The following STMP1 variants were observed in gnomAD, a reference collection of about 807,000 sequenced individuals.
STMP1 encodes mitolamban.
In STMP1, 7 loss-of-function variants were observed where a neutral mutation model predicts 7.0. The observed-to-expected ratio is 1.01, with a 90% CI of 0.57 to 1.89. STMP1 has a LOEUF of 1.89. Among genes scored for constraint, STMP1 ranks in the 40% most tolerant of loss-of-function variants. The pLI, the probability that STMP1 is intolerant of heterozygous loss-of-function variation, is 0.00. For missense variants in STMP1, 45 were observed against 53.0 expected (o/e 0.85, Z 0.47); for synonymous variants, 19 against 18.4 (o/e 1.03, Z -0.08).
rs1795396524 is a variant in STMP1 at position 135,675,056 on chromosome 7, GCTT to G, written c.*894_*896del. 6.6e-6 allele frequency: 1 copy of G among 152,122 alleles called. No homozygotes were observed. The highest frequency in any genetic ancestry group is 6.5e-5 in the Admixed American group (1 of 15,274). 9.4% of individuals were successfully genotyped at this position (152,122 alleles called of 1,614,324 possible). A position where few individuals can be genotyped will look rare whatever the true frequency, so the allele number is the denominator to read the frequency against. On this transcript the variant is annotated 3_prime_UTR_variant, in exon 3 of 3. Coordinates refer to ENST00000507606, the MANE Select transcript of STMP1 (RefSeq NM_001130929.2). ...AATCAGCAGCTCAAGAAGAATTTCT[GCTT>G]CTCTTTGTAGTTGATGCTTTGTTTT...
At chr7:135,671,632 G>C (rs990117453) in intron 1 of STMP1, among the ~76,000 whole-genome samples, 2 of 152,108 alleles carry the variant, frequency 1.3e-5, no homozygotes, top group South Asian at 2.1e-4. Context: ...TAGGAAAATA[G>C]TCACCAAATG....
chr7:135,674,222 G>C lies in STMP1; in HGVS notation c.*57G>C, dbSNP rs1363549619. ...TGATTCTACTGCTCTTGAGGGCCTC[G>C]TTTACTATCTGAACCAAAAGCTTTT... On this transcript the variant is annotated 3_prime_UTR_variant, in exon 3 of 3. Transcript: ENST00000507606. 1.6e-6 allele frequency: 2 copies of C among 1,280,962 alleles called. No homozygotes were observed. The highest frequency in any genetic ancestry group is 1.5e-5 in the African/African-American group (1 of 65,800). 79.3% of individuals were successfully genotyped at this position (1,280,962 alleles called of 1,614,324 possible).
chr7:135,673,156 G>T (rs3112331), intron 2 of STMP1: 1 of 280,784 alleles, frequency 3.6e-6, no homozygotes, highest in Non-Finnish European at 6.7e-6. Flanking sequence ...AATATTTTCA[G>T]CCCCACTATC....
chr7:135,662,520 G>A lies in STMP1; in HGVS notation c.-60G>A. ...CCCCCGCGCATGGGGAGGTAGGCTCGGACCGGCCCGCGGAGCTGCTGCAGT... is the reference window on the plus strand; with the variant it reads ...CCCCCGCGCATGGGGAGGTAGGCTCAGACCGGCCCGCGGAGCTGCTGCAGT... On this transcript the variant is annotated 5_prime_UTR_variant, in exon 1 of 3. Transcript: ENST00000507606. The A allele has an allele frequency of 6.5e-7, 1 of 1,526,982 alleles. No individual in the cohort carries two copies. Among genetic ancestry groups the A allele is most frequent in the East Asian group, 2.6e-5 (1 of 38,166 alleles). 94.6% of individuals were successfully genotyped at this position (1,526,982 alleles called of 1,614,324 possible). A position where few individuals can be genotyped will look rare whatever the true frequency, so the allele number is the denominator to read the frequency against.
chr7:135,669,038 A>T (rs1795329249), intron 1 of STMP1, among the ~76,000 whole-genome samples: 1 of 152,278 alleles, frequency 6.6e-6, no homozygotes, highest in South Asian at 2.1e-4. Flanking sequence ...GTAACGTCTT[A>T]CATGGATGGC....
intron 1 of STMP1, among the ~76,000 whole-genome samples, chr7:135,672,331 A>G (rs1008183791): frequency 4.6e-5 from 7 of 152,244 alleles, no homozygotes; most frequent in Non-Finnish European, 1.0e-4. Context: ...AAAAGGAATA[A>G]CAATATCCAT....
intron 1 of STMP1, among the ~76,000 whole-genome samples, chr7:135,667,463 T>G (rs545045620): frequency 6.6e-6 from 1 of 152,216 alleles, no homozygotes; most frequent in Non-Finnish European, 1.5e-5. Flanking sequence ...TCCCCCAACC[T>G]TGGCCTCCCA....
At chr7:135,663,915 A>G (rs1795264619) in intron 1 of STMP1, among the ~76,000 whole-genome samples, 1 of 152,246 alleles carries the variant, frequency 6.6e-6, no homozygotes, top group Admixed American at 6.5e-5. Flanking sequence ...AAGTGCTGGG[A>G]TTACAGGCGT....
intron 1 of STMP1, among the ~76,000 whole-genome samples, chr7:135,666,257 T>C (rs1223150026): frequency 6.6e-6 from 1 of 151,740 alleles, no homozygotes; most frequent in Non-Finnish European, 1.5e-5. Flanking sequence ...CCTTTTTGCC[T>C]TCCTAAATAC....
intron 1 of STMP1, among the ~76,000 whole-genome samples, chr7:135,662,885 G>A (rs1280941009): frequency 6.6e-6 from 1 of 152,254 alleles, no homozygotes; most frequent in Non-Finnish European, 1.5e-5. Flanking sequence ...CGCTCATTGT[G>A]CAATCTTTGT....
intron 1 of STMP1, among the ~76,000 whole-genome samples, chr7:135,663,338 AT>A (rs1212148935): frequency 1.3e-5 from 2 of 151,036 alleles, no homozygotes; most frequent in African/African-American, 2.4e-5. Flanking sequence ...TTCAACCTCT[AT>A]TTTTTTTTAT....
chr7:135,662,568 C>T lies in STMP1; in HGVS notation c.-12C>T, dbSNP rs141952829. ...AGTCCTTCGCGCCCTCCTCGCCCTC[C>T]CCACCGACATCATGCTCCAGTTCCT... On this transcript the variant is annotated 5_prime_UTR_variant, in exon 1 of 3. Coordinates refer to ENST00000507606, the MANE Select transcript of STMP1 (RefSeq NM_001130929.2). 6.1e-3 allele frequency: 9,519 copies of T among 1,548,364 alleles called. 789 individuals are homozygous for T. The Admixed American group carries it at 0.16, about 25-fold the overall frequency.
At chr7:135,668,219 C>T (rs896238635) in intron 1 of STMP1, among the ~76,000 whole-genome samples, 31 of 152,036 alleles carry the variant, frequency 2.0e-4, no homozygotes, top group Non-Finnish European at 1.0e-4. Flanking sequence ...CCACAGTAAT[C>T]GGCTTTTCTC....
At chr7:135,667,311 A>G (rs977408286) in intron 1 of STMP1, among the ~76,000 whole-genome samples, 4 of 152,168 alleles carry the variant, frequency 2.6e-5, no homozygotes, top group African/African-American at 9.7e-5. Context: ...CCTGGGTTCA[A>G]GTGATTTCTC....
At chr7:135,672,226 A>T (rs1327150897) in intron 1 of STMP1, among the ~76,000 whole-genome samples, 1 of 152,122 alleles carries the variant, frequency 6.6e-6, no homozygotes, top group African/African-American at 2.4e-5. Flanking sequence ...GTGATCTACC[A>T]CTTTGGCCTC....
In STMP1 at chr7:135,676,140, C is replaced by G. The variant is rs576853692; in HGVS notation, c.*1975C>G. On this transcript the variant is annotated 3_prime_UTR_variant, in exon 3 of 3. Transcript: ENST00000507606. ...TGTTGGCAAAGCTGGTCTCAAATTC[C>G]TGGCCTCAAGTGATCTGCCCACTTC... is the stretch of plus-strand genomic sequence containing the variant. 6.6e-6 allele frequency: 1 copy of G among 152,216 alleles called. No individual in the cohort carries two copies. Among genetic ancestry groups the G allele is most frequent in the Admixed American group, 6.5e-5 (1 of 15,274 alleles). 9.4% of individuals were successfully genotyped at this position (152,216 alleles called of 1,614,324 possible). A position where few individuals can be genotyped will look rare whatever the true frequency, so the allele number is the denominator to read the frequency against.
intron 1 of STMP1, among the ~76,000 whole-genome samples, chr7:135,667,356 C>T (rs193220663): frequency 4.5e-4 from 68 of 152,250 alleles, no homozygotes; most frequent in African/African-American, 1.4e-3. Context: ...GGACTACAGG[C>T]GTCCACCACC....
intron 1 of STMP1, among the ~76,000 whole-genome samples, chr7:135,669,852 T>C (rs916663826): frequency 6.6e-6 from 1 of 152,272 alleles, no homozygotes; most frequent in African/African-American, 2.4e-5. Flanking sequence ...AGGTCAGATA[T>C]GCTTTTGCTA....
chr7:135,670,166 A>T (rs1363612705), intron 1 of STMP1, among the ~76,000 whole-genome samples: 2 of 152,188 alleles, frequency 1.3e-5, no homozygotes, highest in African/African-American at 4.8e-5. Context: ...CTACTTTTTC[A>T]TACCCCTAAA....
Sources: allele counts gnomAD v4.1 joint callset (sites outside exome capture counted in the v4.1 genomes callset), GRCh38; gene constraint gnomAD v4.1.1; transcripts MANE v1.5; gene names NCBI Gene and HGNC (gene_info 2026-07-23, HGNC 2026-07-21).